BOD1L1: variants seen among roughly 807,000 people sequenced by gnomAD.
BOD1L1 encodes the protein biorientation of chromosomes in cell division protein 1-like 1.
In BOD1L1, 86 loss-of-function variants were observed where a neutral mutation model predicts 240.7. The observed-to-expected ratio is 0.36, with a 90% CI of 0.30 to 0.43. The LOEUF (loss-of-function observed/expected upper bound fraction) is 0.43, where lower values mean the gene tolerates loss of function less well. Ranked by LOEUF, BOD1L1 falls within the 20% of genes least tolerant of loss-of-function variation. The pLI, the probability that BOD1L1 is intolerant of heterozygous loss-of-function variation, is 1.00. For missense variants in BOD1L1, 3,554 were observed against 3,643.5 expected, an observed-to-expected ratio of 0.98 and a Z score of 0.63; for synonymous variants, 1,268 against 1,272.3, an observed-to-expected ratio of 1.00 and a Z score of 0.07.
chr4:13,623,161 A>T (rs1319519984), intron 1 of BOD1L1, among the ~76,000 whole-genome samples: 1 of 152,048 alleles, frequency 6.6e-6, no homozygotes, highest in African/African-American at 2.4e-5. Flanking sequence ...CATAGGACCT[A>T]CCATACATTA....
intron 19 of BOD1L1, among the ~76,000 whole-genome samples, chr4:13,581,900 G>A (rs531070538): frequency 1.9e-4 from 29 of 152,284 alleles, no homozygotes; most frequent in Non-Finnish European, 2.9e-4. Context: ...GGCTCAGACA[G>A]CCTCCTGTTT....
chr4:13,570,237 G>GA (rs1712096298), intron 25 of BOD1L1, 109 bp from the exon 26 acceptor site: 1 of 717,730 alleles, frequency 1.4e-6, no homozygotes, highest in East Asian at 3.3e-5. Context: ...GCTAAGAAGA[G>GA]AAAAACCCAG....
At chr4:13,575,694 T>G (rs993728928) in intron 25 of BOD1L1, among the ~76,000 whole-genome samples, 1 of 152,092 alleles carries the variant, frequency 6.6e-6, no homozygotes, top group African/African-American at 2.4e-5. Context: ...TGGAAAATAT[T>G]CATGTTTGGG....
intron 25 of BOD1L1, among the ~76,000 whole-genome samples, chr4:13,575,221 G>C (rs947315979): frequency 3.3e-5 from 5 of 151,792 alleles, no homozygotes; most frequent in Non-Finnish European, 2.9e-5. Context: ...GCCCAGCCCC[G>C]ATTTTAGTTC....
intron 18 of BOD1L1, 22 bp from the exon 19 acceptor site, chr4:13,582,332 GT>G: frequency 1.3e-6 from 2 of 1,598,692 alleles, no homozygotes; most frequent in Middle Eastern, 1.7e-4. Flanking sequence ...GAAGAACTTT[GT>G]TCAATGCTAG....
chr4:13,582,715 C>T lies in BOD1L1; in HGVS notation c.8455G>A (p.Glu2819Lys), dbSNP rs759761213. Residue 2819 changes from glutamate (E) to lysine (K), a missense_variant, in exon 18 of 26, where the codon GAA becomes AAA. Transcript: ENST00000040738. ...TCAGAACTGGTTTTAGGTAATTCTT[C>T]CAAATCTCTGGAGTTCTCTTCCTAT... ...DTKEENSRDL[E>K]ELPKTSSETN... The T allele has an allele frequency of 3.7e-6, 6 of 1,611,922 alleles. No homozygotes were observed. The highest frequency in any genetic ancestry group is 3.3e-4 in the Middle Eastern group (2 of 6,058).
rs1672466615 is a variant in BOD1L1 at position 13,582,251 on chromosome 4, T to C, written c.8578A>G (p.Ile2860Val). ...GCACATCTCACCTCCTGAGATTTTA[T>C]GGTGTCATCATCGTTCTGCTCTGGC... ...EKPEQNDDDT[I>V]KSQEEDQPII... Residue 2860 changes from isoleucine to valine, a missense_variant, in exon 19 of 26, where the codon ATA becomes GTA. Transcript: ENST00000040738. The C allele has an allele frequency of 5.0e-6, 8 of 1,613,026 alleles. No homozygotes were observed. Among genetic ancestry groups the C allele is most frequent in the Admixed American group, 1.7e-5 (1 of 59,924 alleles).
chr4:13,602,647 G>A lies in BOD1L1; in HGVS notation c.4253C>T (p.Ala1418Val), dbSNP rs754375152. 1 of 1,613,940 alleles carries A rather than the reference G, an allele frequency of 6.2e-7. No homozygotes were observed. Among genetic ancestry groups the A allele is most frequent in the Non-Finnish European group, 8.5e-7 (1 of 1,179,882 alleles). Residue 1418 changes from alanine to valine, a missense_variant, in exon 10 of 26, where the codon GCA becomes GTA. By Grantham distance (64) the Ala-to-Val change is moderately conservative. Around this residue, in one of 2 missense-constraint regions of BOD1L1, gnomAD observed 3,393 missense variants for 3,427.1 expected, o/e 0.99. Coordinates refer to ENST00000040738, the MANE Select transcript of BOD1L1 (RefSeq NM_148894.3). The stretch of plus-strand genomic sequence containing the variant: ...AATTGTCTGCTTTAAATTGGGCTCT[G>A]CATTTAAGTCATTTTCTTTCTTGGC... ...DMAKKENDLN[A>V]EPNLKQTIKA...
At position 13,602,622 on chromosome 4, in the gene BOD1L1, A is replaced by T; in HGVS notation, c.4278T>A (p.Ile1426=). ...TCTTGCCATTCTCTACTGTTGCTTT[A>T]ATTGTCTGCTTTAAATTGGGCTCTG... ...LNAEPNLKQT[I]KATVENGKKD... is the part of the protein sequence containing the mutation. The change falls in exon 10 of 26, where the codon ATT becomes ATA. Residue 1426 remains isoleucine, a synonymous_variant. Transcript: ENST00000040738. 1 of 1,613,964 alleles carries T rather than the reference A, an allele frequency of 6.2e-7. No individual in the cohort carries two copies. Among genetic ancestry groups the T allele is most frequent in the Non-Finnish European group, 8.5e-7 (1 of 1,179,888 alleles).
At chr4:13,579,742 A>G (rs1392043639) in intron 22 of BOD1L1, among the ~76,000 whole-genome samples, 186 bp downstream of exon 22, 1 of 152,124 alleles carries the variant, frequency 6.6e-6, no homozygotes, top group Admixed American at 6.6e-5. Flanking sequence ...AACAATTTCA[A>G]TTCTTGAGTC....
Position 13,596,058 on chromosome 4 carries a change from A to G in BOD1L1, c.8020-114T>C, listed in dbSNP as rs2286891. 1.2e-5 allele frequency: 10 copies of G among 819,912 alleles called. No homozygotes were observed. The East Asian group carries it at 2.5e-4, about 21-fold the overall frequency. The allele number at this position is 819,912 out of a possible 1,614,324, so 50.8% of individuals were successfully genotyped here. A position where few individuals can be genotyped will look rare whatever the true frequency, so the allele number is the denominator to read the frequency against. On this transcript the variant is annotated intron_variant, in intron 11 of 25. Coordinates refer to ENST00000040738, the MANE Select transcript of BOD1L1 (RefSeq NM_148894.3). ...GCATCCTGAAACAATATAAAAGCCT[A>G]TTTTCAAGAGTACACAAAACTTAAA...
rs1231091172 is a variant in BOD1L1, at chr4:13,602,637, A to G, written c.4263T>C (p.Asn1421=). 1 of 1,614,006 alleles carries G rather than the reference A, an allele frequency of 6.2e-7. No individual in the cohort carries two copies. Among genetic ancestry groups the G allele is most frequent in the Admixed American group, 1.7e-5 (1 of 60,026 alleles). The change falls in exon 10 of 26, where the codon AAT becomes AAC. Residue 1421 remains asparagine, a synonymous_variant. Coordinates refer to ENST00000040738, the MANE Select transcript of BOD1L1 (RefSeq NM_148894.3). ...KKENDLNAEP[N]LKQTIKATVE... ...CTGTTGCTTTAATTGTCTGCTTTAAATTGGGCTCTGCATTTAAGTCATTTT... is the reference window on the plus strand; with the variant it reads ...CTGTTGCTTTAATTGTCTGCTTTAAGTTGGGCTCTGCATTTAAGTCATTTT...
At chr4:13,621,340 C>T (rs1454112284) in intron 1 of BOD1L1, among the ~76,000 whole-genome samples, 5 of 152,232 alleles carry the variant, frequency 3.3e-5, no homozygotes, top group African/African-American at 1.2e-4. Flanking sequence ...TGCCATTTGC[C>T]TCCTTTTAGC....
At chr4:13,626,539 G>A (rs1384631342) in intron 1 of BOD1L1, among the ~76,000 whole-genome samples, 1 of 152,100 alleles carries the variant, frequency 6.6e-6, no homozygotes, top group Non-Finnish European at 1.5e-5. Context: ...TGCCAATCCA[G>A]CTAAGTTTAC....
At chr4:13,606,865 T>C (rs984666857) in intron 9 of BOD1L1, among the ~76,000 whole-genome samples, 3 of 152,162 alleles carry the variant, frequency 2.0e-5, no homozygotes, top group African/African-American at 7.2e-5. Context: ...GCATTTTTGT[T>C]ATTGCAATTA....
At position 13,603,631 on chromosome 4, in the gene BOD1L1, G is replaced by C. The variant is rs199616050; in HGVS notation, c.3269C>G (p.Ala1090Gly). The C allele has an allele frequency of 1.2e-6, 2 of 1,613,908 alleles. No individual in the cohort carries two copies. The highest frequency in any genetic ancestry group is 1.7e-6 in the Non-Finnish European group (2 of 1,179,860). Residue 1090 changes from alanine (A) to glycine (G), a missense_variant, in exon 10 of 26, where the codon GCA becomes GGA. Around this residue, in one of 2 missense-constraint regions of BOD1L1, gnomAD observed 3,393 missense variants for 3,427.1 expected, o/e 0.99. Coordinates refer to ENST00000040738, the MANE Select transcript of BOD1L1 (RefSeq NM_148894.3). ...QEMAKGEEKL[A>G]ANTLSTPSGS... ...GCTGGGAGTGCTCAAAGTGTTTGCTGCTAATTTTTCTTCTCCTTTGGCCAT... is the reference window on the plus strand; with the variant it reads ...GCTGGGAGTGCTCAAAGTGTTTGCTCCTAATTTTTCTTCTCCTTTGGCCAT...
chr4:13,597,714 T>G (rs903346888), intron 10 of BOD1L1, among the ~76,000 whole-genome samples: 2 of 152,224 alleles, frequency 1.3e-5, no homozygotes, highest in Non-Finnish European at 2.9e-5. Context: ...GTGGAAACCC[T>G]TCTATTTTCA....
intron 12 of BOD1L1, among the ~76,000 whole-genome samples, chr4:13,595,509 C>T (rs1212877237): frequency 6.6e-6 from 1 of 152,182 alleles, no homozygotes; most frequent in Non-Finnish European, 1.5e-5. Flanking sequence ...TATCCTCAGA[C>T]TAGCCTTTTG....
In BOD1L1 at chr4:13,604,660, C is replaced by T. The variant is rs1715533436; in HGVS notation, c.2240G>A (p.Gly747Asp). 6.3e-7 allele frequency: 1 copy of T among 1,589,560 alleles called. No individual in the cohort carries two copies. Among genetic ancestry groups the T allele is most frequent in the Admixed American group, 1.9e-5 (1 of 53,398 alleles). ...ATCACCTGTTTTATGCATACAATCA[C>T]CTTTATATTTATGTTTCACAGACAA... ...DKLSVKHKYK[G>D]DCMHKTGDET... The change falls in exon 10 of 26, where the codon GGT becomes GAT. Residue 747 changes from glycine (G) to aspartate (D), a missense_variant. By Grantham distance (94) the Gly-to-Asp change is moderately conservative. This residue lies in a region of BOD1L1 where 3,393 missense variants were observed against 3,427.1 expected (regional missense o/e 0.99). Transcript: ENST00000040738.
Sources: gnomAD v4.1 joint callset for allele counts (sites outside exome capture counted in the v4.1 genomes callset) on GRCh38, gnomAD v4.1.1 for gene constraint, gnomAD v4.1.1 regional missense constraint, MANE v1.5 for transcripts, NCBI Gene and HGNC (gene_info 2026-07-23, HGNC 2026-07-21) for gene names.